The following RAB27B variants were observed in gnomAD, a reference collection of about 807,000 sequenced individuals.
RAB27B encodes the protein ras-related protein Rab-27B.
RAB27B carries 15 observed loss-of-function variants against 24.6 expected under a neutral mutation model. The ratio of observed to expected loss-of-function variants is 0.61; its 90% CI spans 0.41 to 0.94. The LOEUF is 0.94. Ranked by LOEUF, RAB27B falls within the 40% of genes least tolerant of loss-of-function variation. The probability of loss-of-function intolerance (pLI) is 0.00; values close to 1 mark genes in which losing one functional copy is unlikely to be tolerated. For missense variants in RAB27B, 261 were observed against 266.8 expected (o/e 0.98, Z 0.15); for synonymous variants, 105 against 92.5 (o/e 1.14, Z -0.78).
At chr18:54,722,214 TG>T (rs1909381627) in intron 2 of RAB27B, among the ~76,000 whole-genome samples, 1 of 152,204 alleles carries the variant, frequency 6.6e-6, no homozygotes. Context: ...TTAAATTTTT[TG>T]GGTGAATTCT....
chr18:54,734,204 G>T (rs1568046121), intron 2 of RAB27B, among the ~76,000 whole-genome samples: 4 of 152,124 alleles, frequency 2.6e-5, no homozygotes, highest in Admixed American at 2.0e-4. Context: ...GAGGTCAGCG[G>T]TCTGCCTGTG....
At chr18:54,835,028 C>T (rs1234829841) in intron 1 of RAB27B, among the ~76,000 whole-genome samples, 1 of 151,876 alleles carries the variant, frequency 6.6e-6, no homozygotes, top group Non-Finnish European at 1.5e-5. Flanking sequence ...GCAAGGTAAT[C>T]AGAGCCTGAG....
chr18:54,824,510 C>T (rs913008998), upstream of RAB27B, among the ~76,000 whole-genome samples: 2 of 152,162 alleles, frequency 1.3e-5, no homozygotes, highest in Non-Finnish European at 2.9e-5. Context: ...CATCTAGGGG[C>T]TTTCATGTCT....
chr18:54,879,723 A>G (rs1046961320), intron 3 of RAB27B: 2 of 318,376 alleles, frequency 6.3e-6, no homozygotes, highest in African/African-American at 2.1e-5. Flanking sequence ...CTTAGAAGGA[A>G]AAAAAGGTTC....
At chr18:54,866,919 G>A (rs1912252904) in intron 1 of RAB27B, among the ~76,000 whole-genome samples, 1 of 152,152 alleles carries the variant, frequency 6.6e-6, no homozygotes, top group South Asian at 2.1e-4. Context: ...TCCTGGGCAG[G>A]GAGGGTGCGA....
intron 2 of RAB27B, among the ~76,000 whole-genome samples, chr18:54,759,623 G>T (rs1006288963): frequency 1.3e-5 from 2 of 152,206 alleles, no homozygotes; most frequent in Non-Finnish European, 2.9e-5. Context: ...GGCCTAAAGT[G>T]AGAATGTGCA....
At chr18:54,783,333 T>C (rs1246325681) in intron 2 of RAB27B, among the ~76,000 whole-genome samples, 2 of 152,242 alleles carry the variant, frequency 1.3e-5, no homozygotes, top group South Asian at 4.1e-4. Context: ...GTCAATTATT[T>C]TGGAGTTTGA....
intron 2 of RAB27B, among the ~76,000 whole-genome samples, chr18:54,788,041 T>C (rs948243546): frequency 7.2e-5 from 11 of 152,238 alleles, no homozygotes; most frequent in African/African-American, 1.9e-4. Flanking sequence ...GCACCAGTTA[T>C]GTACATCAAT....
In RAB27B at chr18:54,892,054, T is replaced by C. The variant is rs1157923918; in HGVS notation, c.*2641T>C. On this transcript the variant is annotated 3_prime_UTR_variant, in exon 6 of 6. Coordinates refer to ENST00000262094, the MANE Select transcript of RAB27B (RefSeq NM_004163.4). Reference sequence around the variant, plus strand: ...ATTTTACAATTTCAAATTGTTCTGGTGCCATAAAGTATACAGACTACTTTA... The same window carrying C: ...ATTTTACAATTTCAAATTGTTCTGGCGCCATAAAGTATACAGACTACTTTA... The C allele has an allele frequency of 2.0e-5, 3 of 152,060 alleles. No individual in the cohort carries two copies. Among genetic ancestry groups the C allele is most frequent in the African/African-American group, 7.2e-5 (3 of 41,426 alleles). 9.4% of individuals were successfully genotyped at this position (152,060 alleles called of 1,614,324 possible).
chr18:54,839,848 T>G (rs1043007045), intron 1 of RAB27B, among the ~76,000 whole-genome samples: 3 of 152,194 alleles, frequency 2.0e-5, no homozygotes, highest in African/African-American at 7.2e-5. Context: ...AGTGAATATT[T>G]TTATGAAATT....
intron 2 of RAB27B, among the ~76,000 whole-genome samples, chr18:54,748,652 G>C (rs1431696018): frequency 1.3e-5 from 2 of 152,172 alleles, no homozygotes; most frequent in East Asian, 3.8e-4. Flanking sequence ...AGTAACTCAG[G>C]TGATTCTGAC....
intron 2 of RAB27B, among the ~76,000 whole-genome samples, chr18:54,747,666 C>T (rs866321939): frequency 1.3e-5 from 2 of 152,136 alleles, no homozygotes; most frequent in Non-Finnish European, 2.9e-5. Flanking sequence ...AATTCTTTTG[C>T]TTCTCATACT....
At chr18:54,763,001 C>T (rs1207134649) in intron 2 of RAB27B, among the ~76,000 whole-genome samples, 3 of 152,106 alleles carry the variant, frequency 2.0e-5, no homozygotes. Flanking sequence ...TTTATTTTTA[C>T]TTAATGCATT....
chr18:54,765,423 G>A (rs749268602), intron 2 of RAB27B, among the ~76,000 whole-genome samples: 2 of 152,144 alleles, frequency 1.3e-5, no homozygotes, highest in African/African-American at 2.4e-5. Context: ...TGTTCGTGCT[G>A]TTCCCTAACC....
chr18:54,857,864 C>G (rs144622573), intron 1 of RAB27B, among the ~76,000 whole-genome samples: 1 of 152,142 alleles, frequency 6.6e-6, no homozygotes, highest in Non-Finnish European at 1.5e-5. Context: ...CCTATTTTAT[C>G]CTATTTAGAT....
At chr18:54,855,231 C>T (rs1051708918) in intron 1 of RAB27B, among the ~76,000 whole-genome samples, 9 of 152,114 alleles carry the variant, frequency 5.9e-5, no homozygotes, top group Middle Eastern at 3.2e-3. Flanking sequence ...GGAGCTCAGA[C>T]GGTAATTTGA....
chr18:54,837,141 T>C (rs994142423), intron 1 of RAB27B, among the ~76,000 whole-genome samples: 2 of 152,136 alleles, frequency 1.3e-5, no homozygotes, highest in Non-Finnish European at 2.9e-5. Context: ...ATAATTTTAA[T>C]GTAACTTGAT....
intron 2 of RAB27B, among the ~76,000 whole-genome samples, chr18:54,816,996 G>T (rs896328038): frequency 1.3e-5 from 2 of 151,878 alleles, no homozygotes; most frequent in East Asian, 3.8e-4. Flanking sequence ...CATTTATTTC[G>T]AGAGTCTGAT....
At chr18:54,855,901 A>G (rs946036862) in intron 1 of RAB27B, among the ~76,000 whole-genome samples, 2 of 152,226 alleles carry the variant, frequency 1.3e-5, no homozygotes, top group African/African-American at 4.8e-5. Context: ...AAGACCAGTC[A>G]TCTTTATTAT....
Sources: gnomAD v4.1 joint callset for allele counts (sites outside exome capture counted in the v4.1 genomes callset) on GRCh38, gnomAD v4.1.1 for gene constraint, MANE v1.5 for transcripts, NCBI Gene and HGNC (gene_info 2026-07-23, HGNC 2026-07-21) for gene names.